Variants in ZNF566 observed in about 807,000 individuals in gnomAD.
ZNF566 encodes the protein zinc finger protein 566.
Under a neutral mutation model 32.8 loss-of-function variants are expected in ZNF566, and 27 were observed. That is an observed-to-expected ratio of 0.82 (90% CI 0.61 to 1.14). The LOEUF (loss-of-function observed/expected upper bound fraction) is 1.14, where lower values mean the gene tolerates loss of function less well. Among genes scored for constraint, ZNF566 ranks in the 50% most tolerant of loss-of-function variants. ZNF566 has a pLI of 0.00. For synonymous variants in ZNF566, 154 were observed against 159.5 expected, an observed-to-expected ratio of 0.97 and a Z score of 0.26; for missense variants, 402 against 490.4, an observed-to-expected ratio of 0.82 and a Z score of 1.70.
At chr19:36,480,267 G>A (rs569836990) in intron 1 of ZNF566, among the ~76,000 whole-genome samples, 33 of 150,780 alleles carry the variant, frequency 2.2e-4, no homozygotes, top group African/African-American at 6.1e-4. Context: ...TTATGACAAA[G>A]ACTCCATGCA....
At chr19:36,459,183 A>T (rs1273437286) in intron 4 of ZNF566, among the ~76,000 whole-genome samples, 3 of 152,222 alleles carry the variant, frequency 2.0e-5, no homozygotes, top group Non-Finnish European at 4.4e-5. Context: ...GTCAAATATG[A>T]ATTCTGGAAG....
chr19:36,463,358 G>T (rs149837723), intron 4 of ZNF566, among the ~76,000 whole-genome samples: 1 of 151,830 alleles, frequency 6.6e-6, no homozygotes, highest in African/African-American at 2.4e-5. Context: ...AAAATACCTA[G>T]AAATAAAATA....
chr19:36,475,087 C>T (rs1387287619), intron 2 of ZNF566, among the ~76,000 whole-genome samples: 3 of 152,156 alleles, frequency 2.0e-5, no homozygotes, highest in Non-Finnish European at 4.4e-5. Flanking sequence ...CCTCTATCAC[C>T]CAGGCCAAAG....
chr19:36,457,260 A>C (rs2033340328), intron 4 of ZNF566, among the ~76,000 whole-genome samples: 1 of 152,206 alleles, frequency 6.6e-6, no homozygotes, highest in African/African-American at 2.4e-5. Flanking sequence ...AAATGGATTA[A>C]AGACTTAAAC....
At position 36,445,680 on chromosome 19, in the gene ZNF566, G is replaced by C. The variant is rs185196260; in HGVS notation, c.*3297C>G. ...ACTAAAAATACAAAATTTTCCAGGC[G>C]TAGTGGCATATACCTGTAACCCCAG... is the stretch of plus-strand genomic sequence containing the variant. On this transcript the variant is annotated 3_prime_UTR_variant, in exon 5 of 5. Coordinates refer to ENST00000452939, the MANE Select transcript of ZNF566 (RefSeq NM_001145344.1). The C allele has an allele frequency of 6.6e-6, 1 of 152,264 alleles. No homozygotes were observed. 9.4% of individuals were successfully genotyped at this position (152,264 alleles called of 1,614,324 possible). A position where few individuals can be genotyped will look rare whatever the true frequency, so the allele number is the denominator to read the frequency against.
intron 4 of ZNF566, among the ~76,000 whole-genome samples, chr19:36,461,049 G>A (rs1276973792): frequency 2.0e-5 from 3 of 152,192 alleles, no homozygotes; most frequent in Non-Finnish European, 4.4e-5. Context: ...GTCTGTGTGA[G>A]AGTAGGCAAT....
At chr19:36,478,426 GTTAAAGGGATGTCT>G (rs2033948958) in intron 1 of ZNF566, among the ~76,000 whole-genome samples, 1 of 151,830 alleles carries the variant, frequency 6.6e-6, no homozygotes, top group Non-Finnish European at 1.5e-5. Flanking sequence ...CCTTCCTCTG[GTTAAAGGGATGTCT>G]TCAAATGCTG....
chr19:36,447,997 T>C lies in ZNF566; in HGVS notation c.*980A>G, dbSNP rs2033038778. 6.6e-6 allele frequency: 1 copy of C among 152,154 alleles called. No homozygotes were observed. Among genetic ancestry groups the C allele is most frequent in the Non-Finnish European group, 1.5e-5 (1 of 68,004 alleles). 9.4% of individuals were successfully genotyped at this position (152,154 alleles called of 1,614,324 possible). A position where few individuals can be genotyped will look rare whatever the true frequency, so the allele number is the denominator to read the frequency against. ...ATGTCAGGCACAATTCTAAGCACTT[T>C]ATCGATCTTAATTCATTTAATCCTC... On this transcript the variant is annotated 3_prime_UTR_variant, in exon 5 of 5. Transcript: ENST00000452939.
intron 4 of ZNF566, among the ~76,000 whole-genome samples, chr19:36,471,102 T>C (rs1600163565): frequency 6.7e-6 from 1 of 149,796 alleles, no homozygotes; most frequent in African/African-American, 2.5e-5. Context: ...TAATCCCAAC[T>C]ACTCGGGAGG....
At chr19:36,480,655 G>GA (rs111827236) in intron 1 of ZNF566, among the ~76,000 whole-genome samples, 48,602 of 124,190 alleles carry the variant, frequency 0.39, 9,117 homozygotes, top group South Asian at 0.45. Flanking sequence ...CACCCAACTG[G>GA]AAAAAAAAAA....
chr19:36,464,096 T>C (rs2033552632), intron 4 of ZNF566, among the ~76,000 whole-genome samples: 1 of 152,106 alleles, frequency 6.6e-6, no homozygotes, highest in African/African-American at 2.4e-5. Flanking sequence ...TTTAATACTA[T>C]ATGAAAGATC....
intron 1 of ZNF566, among the ~76,000 whole-genome samples, chr19:36,483,121 G>A (rs544188073): frequency 6.6e-6 from 1 of 152,200 alleles, no homozygotes; most frequent in African/African-American, 2.4e-5. Context: ...GAACGTATCT[G>A]TGAAACTGAC....
At chr19:36,453,244 G>A (rs902948700) in intron 4 of ZNF566, among the ~76,000 whole-genome samples, 1 of 151,924 alleles carries the variant, frequency 6.6e-6, no homozygotes, top group African/African-American at 2.4e-5. Flanking sequence ...GGAGGCCGAG[G>A]TGTGCAGATC....
chr19:36,477,013 T>C (rs976289032), intron 1 of ZNF566, among the ~76,000 whole-genome samples: 2 of 152,152 alleles, frequency 1.3e-5, no homozygotes, highest in African/African-American at 4.8e-5. Flanking sequence ...CTTAATTTTT[T>C]TTTTCTTTTC....
chr19:36,454,079 G>A (rs1402276218), intron 4 of ZNF566, among the ~76,000 whole-genome samples: 2 of 151,586 alleles, frequency 1.3e-5, no homozygotes, highest in Admixed American at 6.6e-5. Flanking sequence ...TAAACATTTC[G>A]GTAGAGACAG....
At chr19:36,462,521 G>A (rs1271232816) in intron 4 of ZNF566, among the ~76,000 whole-genome samples, 3 of 151,990 alleles carry the variant, frequency 2.0e-5, no homozygotes, top group African/African-American at 2.4e-5. Context: ...ACTCTAACAG[G>A]AAAAGAAGGT....
intron 1 of ZNF566, among the ~76,000 whole-genome samples, chr19:36,487,838 A>C (rs1469893388): frequency 7.0e-6 from 1 of 143,090 alleles, no homozygotes; most frequent in African/African-American, 2.6e-5. Flanking sequence ...CGGAGGTTGC[A>C]GTGAGCCAAG....
At chr19:36,453,194 C>T (rs1174402692) in intron 4 of ZNF566, among the ~76,000 whole-genome samples, 2 of 151,138 alleles carry the variant, frequency 1.3e-5, no homozygotes, top group Non-Finnish European at 2.9e-5. Flanking sequence ...AATAAACTGG[C>T]GGGGCGCTGG....
intron 1 of ZNF566, among the ~76,000 whole-genome samples, chr19:36,484,741 C>G (rs1381731144): frequency 1.3e-5 from 2 of 151,936 alleles, no homozygotes; most frequent in African/African-American, 2.4e-5. Context: ...AGGTGCCCAC[C>G]ACCATGCCCA....
Sources: gnomAD v4.1 joint callset for allele counts (sites outside exome capture counted in the v4.1 genomes callset) on GRCh38, gnomAD v4.1.1 for gene constraint, MANE v1.5 for transcripts, NCBI Gene and HGNC (gene_info 2026-07-23, HGNC 2026-07-21) for gene names.